PCID2: variants seen among roughly 807,000 people sequenced by gnomAD.
The protein encoded by PCID2 is PCI domain-containing protein 2.
PCID2 carries 41 observed loss-of-function variants against 61.3 expected under a neutral mutation model. The ratio of observed to expected loss-of-function variants is 0.67; its 90% CI spans 0.52 to 0.87. The LOEUF (loss-of-function observed/expected upper bound fraction) is 0.87. Among genes scored for constraint, PCID2 ranks in the 40% least tolerant of loss-of-function variants. The pLI is 0.00. For synonymous variants in PCID2, 187 were observed against 177.8 expected, an observed-to-expected ratio of 1.05 and a Z score of -0.41; for missense variants, 392 against 493.4, an observed-to-expected ratio of 0.79 and a Z score of 1.95.
At position 113,184,311 on chromosome 13, in the gene PCID2, T is replaced by C. The variant is rs201337638; in HGVS notation, c.685+35A>G. The C allele has an allele frequency of 1.1e-3, 1,693 of 1,580,794 alleles. No individual in the cohort carries two copies. The highest frequency in any genetic ancestry group is 1.4e-3 in the Non-Finnish European group (1,622 of 1,150,742). On this transcript the variant is annotated intron_variant, in intron 9 of 13. Transcript: ENST00000337344. ...AAGTTGTTCAGAATGCAATGTCTTA[T>C]TTAAAATACTGGGAAAAAAAGATTA...
At chr13:113,193,259 C>T (rs1438744496) in intron 6 of PCID2, among the ~76,000 whole-genome samples, 1 of 151,888 alleles carries the variant, frequency 6.6e-6, no homozygotes, top group East Asian at 1.9e-4. Context: ...TCAGAAGCCA[C>T]ATTGTAACTA....
intron 1 of PCID2, among the ~76,000 whole-genome samples, chr13:113,202,860 A>C (rs191328781): frequency 5.7e-4 from 87 of 152,326 alleles, no homozygotes; most frequent in Middle Eastern, 3.4e-3. Flanking sequence ...CCCATTCAAG[A>C]AATAAAATAG....
In PCID2 at chr13:113,197,199, T is replaced by G; in HGVS notation, c.245A>C (p.Lys82Thr). 1.2e-6 allele frequency: 2 copies of G among 1,614,148 alleles called. No homozygotes were observed. The highest frequency in any genetic ancestry group is 1.7e-6 in the Non-Finnish European group (2 of 1,179,986). ...ATATTGGACTATCACGGTCTGGCAC[T>G]TGTATGCCTCTATGAAGTCATGATT... Reference protein sequence around the residue: ...VGNHDFIEAYKCQTVIVQSFL... With the variant: ...VGNHDFIEAYTCQTVIVQSFL... Residue 82 changes from lysine (K) to threonine (T), a missense_variant, in exon 4 of 14, where the codon AAG becomes ACG. This residue lies in a region of PCID2 where 155 missense variants were observed against 164.9 expected (regional missense o/e 0.94). Coordinates refer to ENST00000337344, the MANE Select transcript of PCID2 (RefSeq NM_001127202.4).
At chr13:113,195,735 T>C (rs2038968175) in intron 5 of PCID2, among the ~76,000 whole-genome samples, 1 of 152,042 alleles carries the variant, frequency 6.6e-6, no homozygotes, top group Admixed American at 6.5e-5. Flanking sequence ...TATAAACAAA[T>C]TTCAGTATTA....
At chr13:113,200,039 C>A (rs944186233) in intron 2 of PCID2, among the ~76,000 whole-genome samples, 1 of 152,222 alleles carries the variant, frequency 6.6e-6, no homozygotes, top group Non-Finnish European at 1.5e-5. Flanking sequence ...ATGTACAACC[C>A]CAGGCTGGGC....
At chr13:113,186,934 T>TA (rs1028241488) in intron 7 of PCID2, 2 of 152,178 alleles carry the variant, frequency 1.3e-5, no homozygotes, top group Non-Finnish European at 2.9e-5. Context: ...AAATTACTCT[T>TA]AAAGACCAAA....
chr13:113,187,885 C>T (rs564194539), intron 7 of PCID2: 2 of 152,028 alleles, frequency 1.3e-5, no homozygotes, highest in African/African-American at 2.4e-5. Flanking sequence ...CTTTTGTTGT[C>T]GTATCTGAGA....
downstream of PCID2, among the ~76,000 whole-genome samples, chr13:113,174,935 C>T (rs748227802): frequency 3.3e-5 from 5 of 152,212 alleles, no homozygotes; most frequent in Admixed American, 6.5e-5. Context: ...CTTGACTTTG[C>T]GTCTCCACCC....
chr13:113,203,969 C>T (rs2039616697), intron 1 of PCID2, among the ~76,000 whole-genome samples: 1 of 152,250 alleles, frequency 6.6e-6, no homozygotes, highest in South Asian at 2.1e-4. Flanking sequence ...GGCCTAGCCA[C>T]AGGAGCCCCA....
intron 11 of PCID2, 55 bp downstream of exon 11, chr13:113,180,103 C>T (rs1595150590): frequency 6.2e-7 from 1 of 1,613,762 alleles, no homozygotes; most frequent in Non-Finnish European, 8.5e-7. Context: ...TGCACGTCAA[C>T]TCTCATCAGG....
intron 7 of PCID2, among the ~76,000 whole-genome samples, chr13:113,189,709 TGAA>T (rs2038431559): frequency 1.0e-5 from 1 of 95,466 alleles, no homozygotes; most frequent in Non-Finnish European, 2.0e-5. Flanking sequence ...TTACCTAAAA[TGAA>T]GGAGAGGAAA....
chr13:113,193,066 T>C (rs1233203454), intron 6 of PCID2, among the ~76,000 whole-genome samples: 1 of 152,170 alleles, frequency 6.6e-6, no homozygotes, highest in Non-Finnish European at 1.5e-5. Context: ...TGGACCTCCC[T>C]GCCTCCAGAA....
chr13:113,175,392 G>T (rs902753678), downstream of PCID2, among the ~76,000 whole-genome samples: 2 of 152,126 alleles, frequency 1.3e-5, no homozygotes, highest in Admixed American at 1.3e-4. Flanking sequence ...GCTTTCCACC[G>T]CTATTACATC....
At chr13:113,208,130 G>C in intron 1 of PCID2, 1 of 1,607,334 alleles carries the variant, frequency 6.2e-7, no homozygotes, top group Non-Finnish European at 8.5e-7. Context: ...AGGGGCACGA[G>C]CCCGGCCTGC....
the PCID2 span, chr13:113,165,193 A>C: frequency 6.7e-7 from 1 of 1,483,798 alleles, no homozygotes; most frequent in Non-Finnish European, 9.3e-7. Flanking sequence ...CCTAAATAGA[A>C]ATGTTGACAA....
intron 5 of PCID2, among the ~76,000 whole-genome samples, 160 bp downstream of exon 5, chr13:113,196,021 T>A (rs1408242535): frequency 6.6e-6 from 1 of 152,244 alleles, no homozygotes; most frequent in Non-Finnish European, 1.5e-5. Flanking sequence ...ACTAGATTTG[T>A]GACTCCACTC....
At chr13:113,183,989 T>G in intron 9 of PCID2, 1 of 985,256 alleles carries the variant, frequency 1.0e-6, no homozygotes, top group Non-Finnish European at 1.2e-6. Context: ...GAACTAAATG[T>G]TGTCCTAATC....
chr13:113,195,129 C>T lies in PCID2; in HGVS notation c.309-4G>A, dbSNP rs761271445. 5.6e-6 allele frequency: 9 copies of T among 1,606,476 alleles called. No individual in the cohort carries two copies. The Admixed American group carries it at 1.2e-4, about 21-fold the overall frequency. On this transcript the variant is annotated splice_region_variant and splice_polypyrimidine_tract_variant and intron_variant, in intron 5 of 13. Transcript: ENST00000337344. ...TGCATACATGACAGGCAGAGCCCTG[C>T]AGGGCAAAAAAGTAAACAAGTGTGA...
intron 1 of PCID2, among the ~76,000 whole-genome samples, chr13:113,203,480 T>C (rs996808408): frequency 6.6e-5 from 10 of 152,346 alleles, no homozygotes; most frequent in Admixed American, 6.5e-4. Context: ...GATCCTCAGC[T>C]GTTTAGGGGA....
Sources: gnomAD v4.1 joint callset for allele counts (sites outside exome capture counted in the v4.1 genomes callset) on GRCh38, gnomAD v4.1.1 for gene constraint, gnomAD v4.1.1 regional missense constraint, MANE v1.5 for transcripts, NCBI Gene and HGNC (gene_info 2026-07-23, HGNC 2026-07-21) for gene names.